The following HDAC4 variants were observed in gnomAD, a reference collection of about 807,000 sequenced individuals.
HDAC4 encodes the protein histone deacetylase 4, also known as histone deacetylase A.
A neutral mutation model predicts 135.1 loss-of-function variants in HDAC4; 16 were observed. The observed-to-expected ratio is 0.12, with a 90% CI of 0.08 to 0.18. The LOEUF is 0.18. HDAC4 is among the 10% of genes least tolerant of loss of function. The pLI is 1.00. For missense variants in HDAC4, 1,143 were observed against 1,511.8 expected (o/e 0.76, Z 4.05); for synonymous variants, 685 against 653.4 (o/e 1.05, Z -0.74).
intron 2 of HDAC4, among the ~76,000 whole-genome samples, chr2:239,288,708 A>C (rs1317603526): frequency 6.6e-6 from 1 of 152,232 alleles, no homozygotes; most frequent in African/African-American, 2.4e-5. Context: ...AAACAACTAC[A>C]ATCTACCAAA....
chr2:239,122,506 G>C (rs576226660), intron 12 of HDAC4, among the ~76,000 whole-genome samples: 1 of 152,316 alleles, frequency 6.6e-6, no homozygotes, highest in South Asian at 2.1e-4. Context: ...GTTCCTTCAT[G>C]CAGCAAACCC....
At chr2:239,382,262 T>G (rs892958412) in intron 1 of HDAC4, among the ~76,000 whole-genome samples, 2 of 152,246 alleles carry the variant, frequency 1.3e-5, no homozygotes, top group African/African-American at 4.8e-5. Context: ...AATGGATTCT[T>G]TATTTGCGTG....
At chr2:239,181,428 C>T (rs1326416411) in intron 4 of HDAC4, among the ~76,000 whole-genome samples, 6 of 152,266 alleles carry the variant, frequency 3.9e-5, no homozygotes, top group Non-Finnish European at 7.3e-5. Flanking sequence ...GCACCCACCA[C>T]GCCCGGCAGC....
intron 8 of HDAC4, among the ~76,000 whole-genome samples, chr2:239,142,952 C>T (rs1295754869): frequency 6.6e-6 from 1 of 151,198 alleles, no homozygotes; most frequent in Non-Finnish European, 1.5e-5. Context: ...ACTGATCACG[C>T]CCTGTGACGC....
intron 3 of HDAC4, among the ~76,000 whole-genome samples, chr2:239,210,146 C>T (rs189848101): frequency 6.6e-5 from 10 of 152,136 alleles, no homozygotes; most frequent in African/African-American, 1.7e-4. Context: ...GAGAATGGTA[C>T]AAGGATATTC....
intron 15 of HDAC4, among the ~76,000 whole-genome samples, chr2:239,107,078 T>C (rs1293508598): frequency 2.0e-5 from 3 of 152,144 alleles, no homozygotes; most frequent in Non-Finnish European, 4.4e-5. Flanking sequence ...GGTCACCAGC[T>C]CCCAGACGGG....
At chr2:239,070,279 T>C (rs2034042090) in intron 22 of HDAC4, among the ~76,000 whole-genome samples, 3 of 152,204 alleles carry the variant, frequency 2.0e-5, no homozygotes. Context: ...TAAGAATCTT[T>C]AAAGGGAAAA....
At position 239,167,101 on chromosome 2, in the gene HDAC4, A is replaced by G. The variant is rs1406665778; in HGVS notation, c.491-3178T>C. Among the ~76,000 whole-genome samples, 1 of 151,834 alleles carries G rather than the reference A, an allele frequency of 6.6e-6. No homozygotes were observed. The highest frequency in any genetic ancestry group is 2.4e-5 in the African/African-American group (1 of 41,330). ...ATGGCCGTCCTTGAGTGGAGGCAGCAGAGCAGGACAAGAAGCAGGTTCTCG... is the reference window on the plus strand; with the variant it reads ...ATGGCCGTCCTTGAGTGGAGGCAGCGGAGCAGGACAAGAAGCAGGTTCTCG... On this transcript the variant is annotated intron_variant, in intron 5 of 26. Transcript: ENST00000543185. The surrounding 1 kb of genome is among the most constrained non-coding windows in gnomAD (Gnocchi z 4.1).
intron 6 of HDAC4, chr2:239,162,017 T>G (rs1476158927): frequency 2.4e-6 from 1 of 423,658 alleles, no homozygotes; most frequent in Non-Finnish European, 4.8e-6. Flanking sequence ...CCCCGTCCAC[T>G]GTCCACTGAC....
At chr2:239,221,550 G>A (rs547124570) in intron 3 of HDAC4, among the ~76,000 whole-genome samples, 2 of 152,122 alleles carry the variant, frequency 1.3e-5, no homozygotes, top group South Asian at 2.1e-4. Flanking sequence ...AGCACTCACC[G>A]CAAGGCCTGG....
At chr2:239,350,708 T>C (rs1452110144) in intron 2 of HDAC4, among the ~76,000 whole-genome samples, 2 of 152,194 alleles carry the variant, frequency 1.3e-5, no homozygotes, top group Non-Finnish European at 2.9e-5. Context: ...TTCACTATGT[T>C]GGTCAGAATG....
intron 2 of HDAC4, among the ~76,000 whole-genome samples, chr2:239,250,801 C>T (rs893982361): frequency 3.9e-5 from 6 of 152,174 alleles, no homozygotes; most frequent in African/African-American, 1.2e-4. Context: ...GAGGCCACAG[C>T]GAAGGGGCAC....
At chr2:239,081,735 C>T (rs565978863) in intron 21 of HDAC4, among the ~76,000 whole-genome samples, 37 of 152,336 alleles carry the variant, frequency 2.4e-4, no homozygotes, top group African/African-American at 7.7e-4. Context: ...TGCAGCCCCG[C>T]GCCGGGCAAA....
rs2041770550 is a variant in HDAC4 at position 239,146,482 on chromosome 2, G to A, written c.734-1768C>T. On this transcript the variant is annotated intron_variant, in intron 7 of 26. Coordinates refer to ENST00000543185, the MANE Select transcript of HDAC4 (RefSeq NM_001378414.1). This position sits in a 1 kb window ranked among gnomAD's most constrained non-coding sequence, Gnocchi z 4.5. ...CATAGAGTGGGACACGTGGCATCGG[G>A]AGGCGGGCATGACATGGTCACTCCA... Among the ~76,000 whole-genome samples, 1 of 152,104 alleles carries A rather than the reference G, an allele frequency of 6.6e-6. No homozygotes were observed.
At chr2:239,314,269 G>C (rs879600391) in intron 2 of HDAC4, among the ~76,000 whole-genome samples, 1 of 152,220 alleles carries the variant, frequency 6.6e-6, no homozygotes, top group Non-Finnish European at 1.5e-5. Flanking sequence ...GCGGGAGTAA[G>C]TCCCGGAAAG....
At chr2:239,206,826 T>A (rs1284004671) in intron 3 of HDAC4, among the ~76,000 whole-genome samples, 1 of 152,222 alleles carries the variant, frequency 6.6e-6, no homozygotes, top group Non-Finnish European at 1.5e-5. Context: ...CAGGGATATA[T>A]CAACATTGGG....
chr2:239,351,313 T>G (rs1390668035), intron 2 of HDAC4, among the ~76,000 whole-genome samples: 1 of 152,306 alleles, frequency 6.6e-6, no homozygotes, highest in South Asian at 2.1e-4. Flanking sequence ...CAAGTTATAT[T>G]TGCACACATA....
At chr2:239,090,172 G>T in intron 17 of HDAC4, 56 bp from the exon 18 acceptor site, 1 of 1,304,870 alleles carries the variant, frequency 7.7e-7, no homozygotes, top group Non-Finnish European at 1.1e-6. Context: ...GTCATCACCA[G>T]CCCTGGCTGG....
rs1210406520 is a variant in HDAC4, at chr2:239,221,386, T to TA, written c.94+15206dup. Among the ~76,000 whole-genome samples, 3 of 151,854 alleles carry TA rather than the reference T, an allele frequency of 2.0e-5. No individual in the cohort carries two copies. In the East Asian group the frequency reaches 5.8e-4, roughly 29 times the overall value. ...AAATCACAGCTCCAACCAACAAAGCTAAGAGCATCTGGTTACCCCACAGGG... is the reference window on the plus strand; with the variant it reads ...AAATCACAGCTCCAACCAACAAAGCTAAAGAGCATCTGGTTACCCCACAGGG... On this transcript the variant is annotated intron_variant, in intron 3 of 26. Transcript: ENST00000543185.
Sources: allele counts gnomAD v4.1 joint callset (sites outside exome capture counted in the v4.1 genomes callset), GRCh38; gene constraint gnomAD v4.1.1; non-coding constraint Gnocchi (gnomAD v3.1); transcripts MANE v1.5; gene names NCBI Gene and HGNC (gene_info 2026-07-23, HGNC 2026-07-21).